Variants in SNAP47 observed in about 807,000 individuals in gnomAD.
The protein encoded by SNAP47 is synaptosomal-associated protein 47.
SNAP47 carries 20 observed loss-of-function variants against 31.4 expected under a neutral mutation model. That is an observed-to-expected ratio of 0.64 (90% CI 0.45 to 0.93). The LOEUF is 0.93. Ranked by LOEUF, SNAP47 falls within the 40% of genes least tolerant of loss-of-function variation. The pLI is 0.00. For missense variants in SNAP47, 492 were observed against 528.5 expected, an observed-to-expected ratio of 0.93 and a Z score of 0.68; for synonymous variants, 194 against 213.4, an observed-to-expected ratio of 0.91 and a Z score of 0.79.
chr1:227,734,892 CA>C (rs766338364), upstream of SNAP47: 5 of 1,581,002 alleles, frequency 3.2e-6, no homozygotes, highest in Non-Finnish European at 3.5e-6. Context: ...AGGAACTCTC[CA>C]GGGGCCACGC....
upstream of SNAP47, chr1:227,732,809 A>T: frequency 6.3e-7 from 1 of 1,599,636 alleles, no homozygotes. Context: ...CTGCGCGGTG[A>T]CCAAGGGAGT....
chr1:227,762,881 G>C lies in SNAP47; in HGVS notation c.988+3396G>C, dbSNP rs984362582. ...GCAGTCGGCCTGGGCTGTGGTTTGG[G>C]AGGAAGGCCACAGGGTGAGGTTTCC... On this transcript the variant is annotated intron_variant, in intron 3 of 4. Coordinates refer to ENST00000617596, the MANE Select transcript of SNAP47 (RefSeq NM_053052.4). This position sits in a 1 kb window ranked among gnomAD's most constrained non-coding sequence, Gnocchi z 4.2. 2.0e-5 allele frequency among the ~76,000 whole-genome samples: 3 copies of C among 152,054 alleles called. No individual in the cohort carries two copies. Among genetic ancestry groups the C allele is most frequent in the Non-Finnish European group, 4.4e-5 (3 of 68,002 alleles).
intron 1 of SNAP47, chr1:227,736,463 C>T (rs1312362864): frequency 7.2e-6 from 1 of 139,176 alleles, no homozygotes; most frequent in East Asian, 2.2e-4. Context: ...GTTGGGATAC[C>T]AAAGAAAGAA....
At chr1:227,735,553 C>T in intron 1 of SNAP47, 54 bp downstream of exon 1, 1 of 1,353,990 alleles carries the variant, frequency 7.4e-7, no homozygotes, top group Non-Finnish European at 9.4e-7. Context: ...GCCGTAGCGT[C>T]CGCCCTCGGC....
At chr1:227,761,125 C>T (rs527879183) in intron 3 of SNAP47, among the ~76,000 whole-genome samples, 5 of 152,304 alleles carry the variant, frequency 3.3e-5, no homozygotes, top group African/African-American at 1.2e-4. Context: ...AAGCTGTATT[C>T]TTCAGGATTT....
chr1:227,769,642 C>T (rs1253727883), intron 4 of SNAP47, among the ~76,000 whole-genome samples: 1 of 152,102 alleles, frequency 6.6e-6, no homozygotes, highest in Non-Finnish European at 1.5e-5. Context: ...TCACACAGGA[C>T]AGGCAGGGGT....
intron 1 of SNAP47, 55 bp from the exon 2 acceptor site, chr1:227,747,637 C>T: frequency 6.6e-7 from 1 of 1,521,362 alleles, no homozygotes; most frequent in Non-Finnish European, 8.8e-7. Flanking sequence ...TGTGGGGTTG[C>T]TTGTGTCTCC....
In SNAP47 at chr1:227,778,310, G is replaced by A. The variant is rs576024368; in HGVS notation, c.1114-2217G>A. On this transcript the variant is annotated intron_variant, in intron 4 of 4. Coordinates refer to ENST00000617596, the MANE Select transcript of SNAP47 (RefSeq NM_053052.4). ...ACGCCATGGTCATGGAGAGGGCAGAGCTGATGCAGGGGCTAGTGGGAGGCA... is the reference window on the plus strand; with the variant it reads ...ACGCCATGGTCATGGAGAGGGCAGAACTGATGCAGGGGCTAGTGGGAGGCA... Among the ~76,000 whole-genome samples the A allele has an allele frequency of 3.3e-5, 5 of 152,386 alleles. No individual in the cohort carries two copies. In the South Asian group the frequency reaches 1.0e-3, roughly 32 times the overall value.
chr1:227,777,247 T>C (rs1452033721), intron 4 of SNAP47: 1 of 355,288 alleles, frequency 2.8e-6, no homozygotes, highest in Non-Finnish European at 3.9e-6. Flanking sequence ...AGTGATCACA[T>C]CACAACCAGG....
intron 2 of SNAP47, among the ~76,000 whole-genome samples, chr1:227,756,737 T>C (rs906278867): frequency 6.6e-6 from 1 of 152,228 alleles, no homozygotes; most frequent in Non-Finnish European, 1.5e-5. Flanking sequence ...GTCCTGGGGA[T>C]TGCACCTCCC....
chr1:227,729,329 T>C (rs777277135), intron 1 of SNAP47, among the ~76,000 whole-genome samples: 4 of 152,178 alleles, frequency 2.6e-5, no homozygotes, highest in East Asian at 1.9e-4. Context: ...TCTTGGTCCC[T>C]ACCCTTGGCT....
chr1:227,759,852 A>G lies in SNAP47; in HGVS notation c.988+367A>G, dbSNP rs115277114. On this transcript the variant is annotated intron_variant, in intron 3 of 4. Coordinates refer to ENST00000617596, the MANE Select transcript of SNAP47 (RefSeq NM_053052.4). Reference sequence around the variant, plus strand: ...AAGGACTCTGCCCTCTGGGTGGCTCAGTGATGTTCTCATGGTAGTGAGTGA... The same window carrying G: ...AAGGACTCTGCCCTCTGGGTGGCTCGGTGATGTTCTCATGGTAGTGAGTGA... Among the ~76,000 whole-genome samples, 1,297 of 152,320 alleles carry G rather than the reference A, an allele frequency of 8.5e-3. 25 individuals carry two copies. The highest frequency in any genetic ancestry group is 0.03 in the African/African-American group (1,235 of 41,558).
chr1:227,756,579 T>A (rs945994793), intron 2 of SNAP47, among the ~76,000 whole-genome samples: 1 of 152,246 alleles, frequency 6.6e-6, no homozygotes, highest in Non-Finnish European at 1.5e-5. Context: ...AGAAGCATCC[T>A]ACCATCCTCA....
At chr1:227,744,139 G>A (rs1015505782) in intron 1 of SNAP47, 2 of 151,160 alleles carry the variant, frequency 1.3e-5, no homozygotes, top group African/African-American at 2.4e-5. Flanking sequence ...AATAAAGACA[G>A]GAAAAACAGT....
At chr1:227,756,494 C>T (rs940653743) in intron 2 of SNAP47, among the ~76,000 whole-genome samples, 1 of 152,248 alleles carries the variant, frequency 6.6e-6, no homozygotes, top group Non-Finnish European at 1.5e-5. Flanking sequence ...CCAGGTGCCA[C>T]TTTGATACAC....
chr1:227,754,633 AGT>A (rs1400683427), intron 2 of SNAP47, among the ~76,000 whole-genome samples: 1 of 152,116 alleles, frequency 6.6e-6, no homozygotes, highest in African/African-American at 2.4e-5. Flanking sequence ...AGATTTTTAA[AGT>A]GTGTGCACCC....
intron 3 of SNAP47, among the ~76,000 whole-genome samples, chr1:227,764,521 A>G (rs1663264335): frequency 6.6e-6 from 1 of 152,204 alleles, no homozygotes; most frequent in African/African-American, 2.4e-5. Flanking sequence ...GCAGCCCAGC[A>G]CTTTGGGAAG....
chr1:227,731,878 G>A (rs1660671302), upstream of SNAP47: 2 of 160,586 alleles, frequency 1.2e-5, no homozygotes, highest in African/African-American at 4.8e-5. Context: ...CCAGAGGAAG[G>A]CGCAGGCCGC....
chr1:227,735,246 C>G (rs768901659), upstream of SNAP47: 2 of 1,601,278 alleles, frequency 1.2e-6, no homozygotes, highest in African/African-American at 1.3e-5. Context: ...AAGTGGCTGT[C>G]GGCGAGGGCG....
Sources: gnomAD v4.1 joint callset for allele counts (sites outside exome capture counted in the v4.1 genomes callset) on GRCh38, gnomAD v4.1.1 for gene constraint, Gnocchi (gnomAD v3.1) non-coding constraint, MANE v1.5 for transcripts, NCBI Gene and HGNC (gene_info 2026-07-23, HGNC 2026-07-21) for gene names.